The following TBCD variants were observed in gnomAD, a reference collection of about 807,000 sequenced individuals.
TBCD encodes tubulin-specific chaperone D.
Under a neutral mutation model 169.3 loss-of-function variants are expected in TBCD, and 105 were observed. That is an observed-to-expected ratio of 0.62 (90% CI 0.53 to 0.73). The LOEUF (loss-of-function observed/expected upper bound fraction) is 0.73. Ranked by LOEUF, TBCD falls within the 30% of genes least tolerant of loss-of-function variation. The probability of loss-of-function intolerance (pLI) is 0.00; values close to 1 mark genes in which losing one functional copy is unlikely to be tolerated. For synonymous variants in TBCD, 700 were observed against 643.9 expected (o/e 1.09, Z -1.32); for missense variants, 1,444 against 1,600.1 (o/e 0.90, Z 1.66).
At position 82,830,858 on chromosome 17, in the gene TBCD, C is replaced by G; in HGVS notation, c.1318+15924C>G. The stretch of plus-strand genomic sequence containing the variant: ...GCGCTTCCGGTCGGAGCAGGAGGGT[C>G]TCCGTTCACAACATTGAGGCTAGAA... On this transcript the variant is annotated intron_variant, in intron 13 of 38. Transcript: ENST00000355528. 1.9e-6 allele frequency: 3 copies of G among 1,612,796 alleles called. No homozygotes were observed. The highest frequency in any genetic ancestry group is 4.5e-5 in the East Asian group (2 of 44,864).
intron 20 of TBCD, among the ~76,000 whole-genome samples, 190 bp downstream of exon 20, chr17:82,906,243 G>T (rs2060241395): frequency 6.6e-6 from 1 of 152,194 alleles, no homozygotes; most frequent in Admixed American, 6.5e-5. Flanking sequence ...TGACGGTCAT[G>T]CCGTGGGTGG....
intron 7 of TBCD, among the ~76,000 whole-genome samples, chr17:82,794,754 C>T (rs1398969083): frequency 1.3e-5 from 2 of 152,234 alleles, no homozygotes; most frequent in East Asian, 1.9e-4. Flanking sequence ...CCTTCCCTGT[C>T]GTCTCTTTTG....
At chr17:82,802,839 C>A (rs368330819) in intron 9 of TBCD, among the ~76,000 whole-genome samples, 1 of 152,256 alleles carries the variant, frequency 6.6e-6, no homozygotes, top group African/African-American at 2.4e-5. Flanking sequence ...GGGCGCCCCA[C>A]GGCGCAGTCA....
rs535981973 is a variant in TBCD, at chr17:82,874,434, G to A, written c.1475+4054G>A. Among the ~76,000 whole-genome samples, 24 of 152,202 alleles carry A rather than the reference G, an allele frequency of 1.6e-4. No individual in the cohort carries two copies. The highest frequency in any genetic ancestry group is 2.1e-4 in the Non-Finnish European group (14 of 67,974). Reference sequence around the variant, plus strand: ...TGGGTGCGTCTCCACCATGGCTCCCGGGTTCCCTTGCGCACACCGAGCCAG... The same window carrying A: ...TGGGTGCGTCTCCACCATGGCTCCCAGGTTCCCTTGCGCACACCGAGCCAG... On this transcript the variant is annotated intron_variant, in intron 14 of 38. Transcript: ENST00000355528. This position sits in a 1 kb window ranked among gnomAD's most constrained non-coding sequence, Gnocchi z 5.0.
At chr17:82,862,703 CT>C (rs1161171479) in intron 13 of TBCD, among the ~76,000 whole-genome samples, 1 of 152,190 alleles carries the variant, frequency 6.6e-6, no homozygotes, top group African/African-American at 2.4e-5. Flanking sequence ...CCCGCCATGT[CT>C]TTTTAGCTTA....
chr17:82,779,137 G>A (rs1482730288), intron 6 of TBCD, among the ~76,000 whole-genome samples: 4 of 151,746 alleles, frequency 2.6e-5, no homozygotes, highest in Admixed American at 1.3e-4. Flanking sequence ...TCAGCCTCCC[G>A]AGTAGCTGGG....
At chr17:82,826,485 G>C (rs145322028) in intron 13 of TBCD, among the ~76,000 whole-genome samples, 145 of 152,024 alleles carry the variant, frequency 9.5e-4, no homozygotes, top group African/African-American at 2.7e-3. Context: ...GTATGATCTT[G>C]GCTCACTGCA....
chr17:82,929,101 C>T lies in TBCD; in HGVS notation c.2694-12C>T, dbSNP rs1568072368. 1.2e-6 allele frequency: 2 copies of T among 1,604,032 alleles called. No individual in the cohort carries two copies. Among genetic ancestry groups the T allele is most frequent in the South Asian group, 1.1e-5 (1 of 90,970 alleles). ...GCCCGCCCTTGGTTTACCTCCTGCT[C>T]TCGGTTTGCAGCTGTGAGCGCATCA... On this transcript the variant is annotated splice_polypyrimidine_tract_variant and intron_variant, in intron 30 of 38. Transcript: ENST00000355528.
At chr17:82,811,651 G>T (rs1268720328) in intron 12 of TBCD, among the ~76,000 whole-genome samples, 2 of 152,084 alleles carry the variant, frequency 1.3e-5, no homozygotes, top group Non-Finnish European at 2.9e-5. Context: ...TAAAAAGGCG[G>T]CTCTGGACAG....
At chr17:82,824,193 T>C (rs2052640654) in intron 13 of TBCD, among the ~76,000 whole-genome samples, 1 of 152,046 alleles carries the variant, frequency 6.6e-6, no homozygotes, top group South Asian at 2.1e-4. Flanking sequence ...TATTTTTATT[T>C]TTTTTTGAGA....
chr17:82,926,951 C>T (rs958811511), intron 28 of TBCD: 7 of 592,816 alleles, frequency 1.2e-5, no homozygotes, highest in South Asian at 4.2e-5. Context: ...AGGGACCAGC[C>T]GCAGGGGGCG....
Position 82,889,572 on chromosome 17 carries a change from T to C in TBCD, c.1534-96T>C. ...GGCTTTTATTTAAAAAATAAAGCCG[T>C]GGGTCATTCACGTTGTGCTGTTTGT... On this transcript the variant is annotated intron_variant, in intron 15 of 38. Coordinates refer to ENST00000355528, the MANE Select transcript of TBCD (RefSeq NM_005993.5). This position sits in a 1 kb window ranked among gnomAD's most constrained non-coding sequence, Gnocchi z 5.3. 2.1e-6 allele frequency: 3 copies of C among 1,451,762 alleles called. No homozygotes were observed. Among genetic ancestry groups the C allele is most frequent in the East Asian group, 2.3e-5 (1 of 44,022 alleles). 89.9% of individuals were successfully genotyped at this position (1,451,762 alleles called of 1,614,324 possible).
intron 13 of TBCD, among the ~76,000 whole-genome samples, chr17:82,856,902 T>A (rs1294492366): frequency 3.5e-5 from 5 of 142,560 alleles, no homozygotes; most frequent in Non-Finnish European, 6.0e-5. Flanking sequence ...CAGGGCGGGA[T>A]CGCTGGACCG....
chr17:82,790,671 G>A (rs1040004636), intron 7 of TBCD, among the ~76,000 whole-genome samples: 19 of 152,180 alleles, frequency 1.2e-4, no homozygotes, highest in African/African-American at 3.6e-4. Context: ...AGCGCCGTCC[G>A]GGGGAGATGT....
Position 82,940,227 on chromosome 17 carries a change from A to G in TBCD, c.3479+751A>G, listed in dbSNP as rs1042361349. On this transcript the variant is annotated intron_variant, in intron 37 of 38. Coordinates refer to ENST00000355528, the MANE Select transcript of TBCD (RefSeq NM_005993.5). ...CATGCTCACTTGCACGCGCGCACACACACACACACACACACACACTTCTAA... is the reference window on the plus strand; with the variant it reads ...CATGCTCACTTGCACGCGCGCACACGCACACACACACACACACACTTCTAA... Among the ~76,000 whole-genome samples the G allele has an allele frequency of 3.5e-5, 5 of 141,518 alleles. No homozygotes were observed. In the East Asian group the frequency reaches 5.9e-4, roughly 17 times the overall value. The allele number at this position is 141,518 out of a possible 152,430, so 92.8% of individuals were successfully genotyped here.
intron 13 of TBCD, chr17:82,858,655 G>A: frequency 6.1e-6 from 6 of 985,424 alleles, no homozygotes; most frequent in Non-Finnish European, 7.2e-6. Context: ...GGTTGCTTTT[G>A]AATGTGCCTG....
In TBCD at chr17:82,832,511, C is replaced by T. The variant is rs1034144438; in HGVS notation, c.1318+17577C>T. ...CAGGTGGCGTGATCACTGTCGACGC[C>T]GCGTGCACTTCGTGGTTTCTAAAGA... On this transcript the variant is annotated intron_variant, in intron 13 of 38. Coordinates refer to ENST00000355528, the MANE Select transcript of TBCD (RefSeq NM_005993.5). The surrounding 1 kb of genome is among the most constrained non-coding windows in gnomAD (Gnocchi z 4.9). 2.2e-5 allele frequency: 34 copies of T among 1,514,792 alleles called. No individual in the cohort carries two copies. The East Asian group carries it at 2.9e-4, about 13-fold the overall frequency. 93.8% of individuals were successfully genotyped at this position (1,514,792 alleles called of 1,614,324 possible).
At chr17:82,881,658 C>T (rs541301994) in intron 14 of TBCD, among the ~76,000 whole-genome samples, 4 of 152,302 alleles carry the variant, frequency 2.6e-5, no homozygotes, top group East Asian at 3.9e-4. Flanking sequence ...GCGTTGATGT[C>T]GTTGTGGAGC....
intron 13 of TBCD, among the ~76,000 whole-genome samples, chr17:82,818,684 C>T (rs751730150): frequency 1.6e-4 from 24 of 152,358 alleles, no homozygotes; most frequent in Non-Finnish European, 3.1e-4. Flanking sequence ...CTCAGCCCTT[C>T]GGCCTCCTCC....
Sources: gnomAD v4.1 joint callset for allele counts (sites outside exome capture counted in the v4.1 genomes callset) on GRCh38, gnomAD v4.1.1 for gene constraint, Gnocchi (gnomAD v3.1) non-coding constraint, MANE v1.5 for transcripts, NCBI Gene and HGNC (gene_info 2026-07-23, HGNC 2026-07-21) for gene names.